The following DLGAP4 variants were observed in gnomAD, a reference collection of about 807,000 sequenced individuals.
The protein encoded by DLGAP4 is disks large-associated protein 4.
Under a neutral mutation model 86.9 loss-of-function variants are expected in DLGAP4, and 18 were observed. The ratio of observed to expected loss-of-function variants is 0.21; its 90% CI spans 0.14 to 0.31. The LOEUF is 0.31. Among genes scored for constraint, DLGAP4 ranks in the 10% least tolerant of loss-of-function variants. The pLI is 1.00. For synonymous variants in DLGAP4, 548 were observed against 574.3 expected (o/e 0.95, Z 0.65); for missense variants, 1,085 against 1,362.6 (o/e 0.80, Z 3.21).
chr20:36,471,367 G>A (rs2034654252), intron 7 of DLGAP4, among the ~76,000 whole-genome samples: 4 of 152,126 alleles, frequency 2.6e-5, no homozygotes, highest in Non-Finnish European at 5.9e-5. Context: ...GGTGGTGGGT[G>A]TCTGTAGTCC....
At chr20:36,426,005 A>T (rs1256869304) in intron 2 of DLGAP4, among the ~76,000 whole-genome samples, 2 of 152,212 alleles carry the variant, frequency 1.3e-5, no homozygotes, top group African/African-American at 4.8e-5. Flanking sequence ...CCAAAGATGA[A>T]TGGATTAAAC....
chr20:36,310,051 T>C (rs1283597806), intron 1 of DLGAP4, among the ~76,000 whole-genome samples: 1 of 151,816 alleles, frequency 6.6e-6, no homozygotes, highest in Non-Finnish European at 1.5e-5. Flanking sequence ...AAGAACTGCA[T>C]GGACAAGCAC....
At chr20:36,509,222 A>G (rs964861171) in intron 10 of DLGAP4, among the ~76,000 whole-genome samples, 3 of 152,166 alleles carry the variant, frequency 2.0e-5, no homozygotes, top group African/African-American at 7.2e-5. Context: ...CAGGAGTTCA[A>G]AACTAGCCTG....
intron 2 of DLGAP4, among the ~76,000 whole-genome samples, chr20:36,398,215 G>T (rs1310984948): frequency 6.6e-6 from 1 of 152,194 alleles, no homozygotes; most frequent in Non-Finnish European, 1.5e-5. Context: ...GACAATTCTG[G>T]TGTGTTAGAG....
intron 2 of DLGAP4, among the ~76,000 whole-genome samples, chr20:36,368,660 G>A (rs1007706412): frequency 7.5e-6 from 1 of 133,974 alleles, no homozygotes; most frequent in African/African-American, 2.9e-5. Context: ...TGGTCTGAGA[G>A]CTGTGTCTGT....
At chr20:36,387,953 C>A (rs2031655572) in intron 2 of DLGAP4, among the ~76,000 whole-genome samples, 1 of 152,170 alleles carries the variant, frequency 6.6e-6, no homozygotes. Flanking sequence ...AACAATCCTT[C>A]CTTGGGTGGG....
intron 1 of DLGAP4, among the ~76,000 whole-genome samples, chr20:36,361,872 G>A (rs1186539092): frequency 2.0e-5 from 3 of 151,768 alleles, no homozygotes; most frequent in African/African-American, 2.4e-5. Flanking sequence ...CCAGCTACTC[G>A]GGAGGCTGAG....
intron 2 of DLGAP4, among the ~76,000 whole-genome samples, chr20:36,370,236 A>T (rs2030870651): frequency 6.6e-6 from 1 of 152,118 alleles, no homozygotes; most frequent in Non-Finnish European, 1.5e-5. Flanking sequence ...GCAATGGCTC[A>T]TACCTGTAAT....
intron 1 of DLGAP4, among the ~76,000 whole-genome samples, chr20:36,341,490 C>T (rs1170305790): frequency 6.6e-6 from 1 of 152,240 alleles, no homozygotes; most frequent in Non-Finnish European, 1.5e-5. Flanking sequence ...GTGTGCCAGG[C>T]ACCATGCAAC....
chr20:36,506,938 C>T (rs753209209), intron 10 of DLGAP4, among the ~76,000 whole-genome samples: 9 of 152,198 alleles, frequency 5.9e-5, no homozygotes, highest in East Asian at 1.9e-4. Context: ...CTGTGACTGG[C>T]GTATTTCACT....
At chr20:36,375,970 T>C (rs1351632288) in intron 2 of DLGAP4, among the ~76,000 whole-genome samples, 1 of 152,030 alleles carries the variant, frequency 6.6e-6, no homozygotes, top group Non-Finnish European at 1.5e-5. Flanking sequence ...ACCACTGTAC[T>C]CCACCCTAGG....
chr20:36,420,667 G>A (rs775057641), intron 2 of DLGAP4, among the ~76,000 whole-genome samples: 1 of 151,984 alleles, frequency 6.6e-6, no homozygotes, highest in Non-Finnish European at 1.5e-5. Context: ...GGGAAACCTT[G>A]TCTCTATAAA....
At chr20:36,349,895 C>T (rs930258672) in intron 1 of DLGAP4, among the ~76,000 whole-genome samples, 4 of 152,254 alleles carry the variant, frequency 2.6e-5, no homozygotes, top group Admixed American at 6.5e-5. Flanking sequence ...GCAGCATCGC[C>T]GCGTCCCAGG....
chr20:36,432,373 G>A lies in DLGAP4; in HGVS notation c.656G>A (p.Arg219His), dbSNP rs990391454. 3.1e-6 allele frequency: 5 copies of A among 1,613,452 alleles called. No individual in the cohort carries two copies. Among genetic ancestry groups the A allele is most frequent in the Non-Finnish European group, 4.2e-6 (5 of 1,180,042 alleles). Residue 219 changes from arginine to histidine, a missense_variant, in exon 3 of 13, where the codon CGC becomes CAC. By Grantham distance (29) the Arg-to-His change is conservative (BLOSUM62 0). Transcript: ENST00000339266. The surrounding 1 kb of genome is among the most constrained non-coding windows in gnomAD (Gnocchi z 6.5). ...DNLDGEAGAF[R>H]SSGPASGLMT... Reference sequence around the variant, plus strand: ...TTGGACGGCGAGGCCGGCGCCTTCCGCAGCAGTGGCCCAGCCTCTGGGCTG... The same window carrying A: ...TTGGACGGCGAGGCCGGCGCCTTCCACAGCAGTGGCCCAGCCTCTGGGCTG...
At chr20:36,488,642 A>G (rs909998383) in intron 7 of DLGAP4, among the ~76,000 whole-genome samples, 4 of 151,430 alleles carry the variant, frequency 2.6e-5, no homozygotes, top group East Asian at 1.9e-4. Flanking sequence ...CAGTGGTGCA[A>G]TCTTGGCTCA....
chr20:36,319,388 T>C (rs1453839049), intron 1 of DLGAP4, among the ~76,000 whole-genome samples: 1 of 152,128 alleles, frequency 6.6e-6, no homozygotes, highest in Non-Finnish European at 1.5e-5. Flanking sequence ...TGAGGTCCTG[T>C]GTGTTCAAGG....
chr20:36,376,116 G>A (rs2031142647), intron 2 of DLGAP4, among the ~76,000 whole-genome samples: 1 of 151,844 alleles, frequency 6.6e-6, no homozygotes, highest in Non-Finnish European at 1.5e-5. Context: ...CTCCTGCCTT[G>A]GCCTCCCGAA....
intron 2 of DLGAP4, among the ~76,000 whole-genome samples, chr20:36,418,365 G>A (rs557476031): frequency 7.2e-4 from 110 of 152,090 alleles, no homozygotes; most frequent in African/African-American, 2.5e-3. Flanking sequence ...CACCCACCTC[G>A]GCCTCCCAAA....
intron 10 of DLGAP4, among the ~76,000 whole-genome samples, chr20:36,522,920 C>T (rs527369989): frequency 6.6e-6 from 1 of 152,106 alleles, no homozygotes; most frequent in East Asian, 1.9e-4. Context: ...GCAATGCTGT[C>T]ATCACAGCTC....
Sources: allele counts gnomAD v4.1 joint callset (sites outside exome capture counted in the v4.1 genomes callset), GRCh38; gene constraint gnomAD v4.1.1; non-coding constraint Gnocchi (gnomAD v3.1); transcripts MANE v1.5; gene names NCBI Gene and HGNC (gene_info 2026-07-23, HGNC 2026-07-21).